The following PXYLP1 variants were observed in gnomAD, a reference collection of about 807,000 sequenced individuals.
The protein encoded by PXYLP1 is 2-phosphoxylose phosphatase 1.
A neutral mutation model predicts 37.9 loss-of-function variants in PXYLP1; 17 were observed. That is an observed-to-expected ratio of 0.45 (90% CI 0.31 to 0.67). The LOEUF is 0.67. Among genes scored for constraint, PXYLP1 ranks in the 30% least tolerant of loss-of-function variants. The probability of loss-of-function intolerance (pLI) is 0.07; values close to 1 mark genes in which losing one functional copy is unlikely to be tolerated. For synonymous variants in PXYLP1, 221 were observed against 232.2 expected, an observed-to-expected ratio of 0.95 and a Z score of 0.44; for missense variants, 511 against 612.0, an observed-to-expected ratio of 0.84 and a Z score of 1.74.
chr3:141,248,028 T>TTG (rs1361634530), intron 1 of PXYLP1, among the ~76,000 whole-genome samples: 18 of 105,340 alleles, frequency 1.7e-4, no homozygotes, highest in African/African-American at 7.5e-4. Flanking sequence ...GTTTTGTTTT[T>TTG]TTTTTTTTTT....
intron 1 of PXYLP1, among the ~76,000 whole-genome samples, chr3:141,259,779 T>C (rs1405788988): frequency 1.3e-5 from 2 of 152,242 alleles, no homozygotes; most frequent in Admixed American, 1.3e-4. Flanking sequence ...TGTGAAGATT[T>C]CCCTTATTGT....
intron 2 of PXYLP1, among the ~76,000 whole-genome samples, chr3:141,277,613 G>A (rs544198995): frequency 6.6e-6 from 1 of 152,318 alleles, no homozygotes; most frequent in Non-Finnish European, 1.5e-5. Context: ...TATTGACTCT[G>A]GTCACATGTC....
At chr3:141,273,896 C>T (rs541230291) in intron 2 of PXYLP1, 50 of 985,312 alleles carry the variant, frequency 5.1e-5, no homozygotes, top group African/African-American at 1.7e-4. Flanking sequence ...GTCCTGGTGG[C>T]ACAGTGGCCC....
chr3:141,277,990 CCTT>C (rs773549678), intron 2 of PXYLP1, among the ~76,000 whole-genome samples: 10 of 152,198 alleles, frequency 6.6e-5, no homozygotes, highest in East Asian at 1.9e-4. Flanking sequence ...TGGTTTTCCT[CCTT>C]CTTGTTGTTA....
intron 2 of PXYLP1, among the ~76,000 whole-genome samples, chr3:141,272,138 G>T (rs1559890513): frequency 6.6e-6 from 1 of 152,212 alleles, no homozygotes; most frequent in Admixed American, 6.5e-5. Context: ...ATATCAGGGA[G>T]GTTGGCTTGA....
At chr3:141,280,059 G>GA (rs1941910854) in intron 4 of PXYLP1, among the ~76,000 whole-genome samples, 1 of 152,228 alleles carries the variant, frequency 6.6e-6, no homozygotes, top group Admixed American at 6.5e-5. Flanking sequence ...CCCTTAGGAT[G>GA]AAAAATAATT....
intron 1 of PXYLP1, among the ~76,000 whole-genome samples, chr3:141,233,710 G>A (rs948125821): frequency 6.6e-6 from 1 of 152,210 alleles, no homozygotes; most frequent in African/African-American, 2.4e-5. Flanking sequence ...CAGGAACAGC[G>A]TGGGCCACCT....
intron 4 of PXYLP1, among the ~76,000 whole-genome samples, chr3:141,279,957 A>G (rs1297385615): frequency 1.3e-5 from 2 of 152,218 alleles, no homozygotes; most frequent in African/African-American, 4.8e-5. Context: ...AGACAAATGC[A>G]CGTTAGCAAT....
intron 1 of PXYLP1, among the ~76,000 whole-genome samples, chr3:141,245,465 C>A (rs1452691027): frequency 1.3e-5 from 2 of 152,212 alleles, no homozygotes; most frequent in Admixed American, 6.5e-5. Context: ...GCCTTGTTCT[C>A]TGTCCTTTTT....
At position 141,256,610 on chromosome 3, in the gene PXYLP1, T is replaced by C. The variant is rs1028781570; in HGVS notation, c.-53-3513T>C. 2.6e-5 allele frequency among the ~76,000 whole-genome samples: 4 copies of C among 152,194 alleles called. No homozygotes were observed. The East Asian group carries it at 5.8e-4, about 22-fold the overall frequency. On this transcript the variant is annotated intron_variant, in intron 1 of 5. Transcript: ENST00000286353. ...AGCTTCAGCTGCAAACTTCTTCAAATCCATGTGAATTTTGGATTCTATCAT... is the reference window on the plus strand; with the variant it reads ...AGCTTCAGCTGCAAACTTCTTCAAACCCATGTGAATTTTGGATTCTATCAT...
At chr3:141,266,457 G>A (rs1053578686) in intron 2 of PXYLP1, among the ~76,000 whole-genome samples, 2 of 152,116 alleles carry the variant, frequency 1.3e-5, no homozygotes, top group African/African-American at 4.8e-5. Context: ...GGAAGAGAGA[G>A]CCAAAAGAAA....
At chr3:141,240,478 G>A (rs1156569803) in intron 1 of PXYLP1, among the ~76,000 whole-genome samples, 1 of 152,052 alleles carries the variant, frequency 6.6e-6, no homozygotes, top group Non-Finnish European at 1.5e-5. Flanking sequence ...GTGTGTGGGA[G>A]GATTTTGTGG....
intron 5 of PXYLP1, among the ~76,000 whole-genome samples, chr3:141,288,920 T>A (rs918663079): frequency 6.6e-6 from 1 of 152,212 alleles, no homozygotes; most frequent in Non-Finnish European, 1.5e-5. Context: ...TGAATGAATG[T>A]AATCTTTCTA....
chr3:141,287,485 C>T, intron 5 of PXYLP1, 32 bp downstream of exon 5: 1 of 1,603,182 alleles, frequency 6.2e-7, no homozygotes, highest in Non-Finnish European at 8.5e-7. Flanking sequence ...TCAGGGGTTC[C>T]CCCACCCGCT....
chr3:141,240,986 C>T (rs775328941), intron 1 of PXYLP1, among the ~76,000 whole-genome samples: 4 of 152,134 alleles, frequency 2.6e-5, no homozygotes, highest in Non-Finnish European at 5.9e-5. Context: ...CTTTAGTCCC[C>T]CAAGGCCAGA....
chr3:141,265,827 G>C (rs576922006), intron 2 of PXYLP1, among the ~76,000 whole-genome samples: 151 of 152,310 alleles, frequency 9.9e-4, no homozygotes, highest in African/African-American at 3.6e-3. Context: ...CAACCATGCA[G>C]GGCTGGTGGC....
intron 1 of PXYLP1, among the ~76,000 whole-genome samples, chr3:141,252,633 C>T (rs960863146): frequency 7.9e-5 from 12 of 152,210 alleles, no homozygotes; most frequent in Non-Finnish European, 1.6e-4. Context: ...TAGGCCCCAC[C>T]TACACTGGGG....
intron 1 of PXYLP1, among the ~76,000 whole-genome samples, chr3:141,240,458 A>T (rs940959728): frequency 4.6e-5 from 7 of 152,094 alleles, no homozygotes; most frequent in Admixed American, 4.6e-4. Context: ...AGGAAGGAAC[A>T]TGGAGGATGG....
intron 4 of PXYLP1, among the ~76,000 whole-genome samples, chr3:141,281,423 G>C (rs1013457500): frequency 6.6e-6 from 1 of 152,228 alleles, no homozygotes; most frequent in Non-Finnish European, 1.5e-5. Flanking sequence ...AAGGCCGCTT[G>C]TTGGGGCTGC....
Sources: allele counts gnomAD v4.1 joint callset (sites outside exome capture counted in the v4.1 genomes callset), GRCh38; gene constraint gnomAD v4.1.1; transcripts MANE v1.5; gene names NCBI Gene and HGNC (gene_info 2026-07-23, HGNC 2026-07-21).